MGST1: variants seen among roughly 807,000 people sequenced by gnomAD.
The protein encoded by MGST1 is glutathione S-transferase 12.
A neutral mutation model predicts 8.9 loss-of-function variants in MGST1; 5 were observed. That is an observed-to-expected ratio of 0.56 (90% CI 0.29 to 1.19). MGST1 has a LOEUF of 1.19. MGST1 is among the 50% of genes most tolerant of loss of function. MGST1 has a pLI of 0.08. For synonymous variants in MGST1, 54 were observed against 67.8 expected, an observed-to-expected ratio of 0.80 and a Z score of 1.00; for missense variants, 182 against 187.4, an observed-to-expected ratio of 0.97 and a Z score of 0.17.
chr12:16,466,669 A>G (rs1030981547), intron 4 of MGST1, among the ~76,000 whole-genome samples: 14 of 152,256 alleles, frequency 9.2e-5, no homozygotes, highest in African/African-American at 3.1e-4. Flanking sequence ...GAGAAACTAC[A>G]GAAACCTACA....
Position 16,399,390 on chromosome 12 carries a change from C to T in MGST1, n.778+15786C>T, listed in dbSNP as rs1186199426. 126 of 1,516,562 alleles carry T rather than the reference C, an allele frequency of 8.3e-5. 1 individual carries two copies. Among genetic ancestry groups the T allele is most frequent in the Non-Finnish European group, 7.3e-5 (80 of 1,092,068 alleles). The allele number at this position is 1,516,562 out of a possible 1,614,324, so 93.9% of individuals were successfully genotyped here. A position where few individuals can be genotyped will look rare whatever the true frequency, so the allele number is the denominator to read the frequency against. ...TGCCTTCCTCTTCTGGCTCATACTTCGACTTTGTTCTTCTTCTTCCTTATA... is the reference window on the plus strand; with the variant it reads ...TGCCTTCCTCTTCTGGCTCATACTTTGACTTTGTTCTTCTTCTTCCTTATA... On this transcript the variant is annotated intron_variant and non_coding_transcript_variant, in intron 1 of 1. Coordinates refer to the MGST1 transcript ENST00000359720.
chr12:16,538,715 TCTC>T (rs1225556228), intron 4 of MGST1, among the ~76,000 whole-genome samples: 1 of 151,604 alleles, frequency 6.6e-6, no homozygotes, highest in African/African-American at 2.4e-5. Context: ...TTCACGCCAT[TCTC>T]CTGCCTCAGC....
At chr12:16,423,006 C>A (rs759188527) in intron 1 of MGST1, among the ~76,000 whole-genome samples, 1 of 152,148 alleles carries the variant, frequency 6.6e-6, no homozygotes, top group African/African-American at 2.4e-5. Flanking sequence ...ACCCTGTGAA[C>A]TCTAGCAGCC....
intron 1 of MGST1, among the ~76,000 whole-genome samples, chr12:16,415,482 C>T (rs1219618369): frequency 1.3e-5 from 2 of 152,188 alleles, no homozygotes; most frequent in Non-Finnish European, 2.9e-5. Flanking sequence ...TCCTCTACTT[C>T]CTCCTCTTCC....
intron 4 of MGST1, among the ~76,000 whole-genome samples, chr12:16,570,422 T>C (rs1401749708): frequency 6.6e-6 from 1 of 152,022 alleles, no homozygotes; most frequent in Non-Finnish European, 1.5e-5. Flanking sequence ...ACTCATCTCG[T>C]AATTAAGGCA....
rs369680144 is a variant in MGST1 at position 16,513,212 on chromosome 12, T to A, written n.483-76316T>A. Among the ~76,000 whole-genome samples, 25 of 152,346 alleles carry A rather than the reference T, an allele frequency of 1.6e-4. No homozygotes were observed. The South Asian group carries it at 4.8e-3, about 29-fold the overall frequency. On this transcript the variant is annotated intron_variant and non_coding_transcript_variant, in intron 4 of 4. Coordinates refer to the MGST1 transcript ENST00000538857. This position sits in a 1 kb window ranked among gnomAD's most constrained non-coding sequence, Gnocchi z 4.2. ...TTCATCTGACTCAGTTTCTGCTTCT[T>A]CATGACTTCAGCTTTTCATGAACTC...
In MGST1 at chr12:16,497,213, C is replaced by G. The variant is rs1318434862; in HGVS notation, n.483-92315C>G. ...TCAAGGGCTAGTCTTGAAATCAGAT[C>G]CCACTGTTCACACGCTTTTCCTTTG... On this transcript the variant is annotated intron_variant and non_coding_transcript_variant, in intron 4 of 4. Transcript: ENST00000538857. The surrounding 1 kb of genome is among the most constrained non-coding windows in gnomAD (Gnocchi z 4.4). Among the ~76,000 whole-genome samples the G allele has an allele frequency of 6.6e-6, 1 of 152,098 alleles. No homozygotes were observed. Among genetic ancestry groups the G allele is most frequent in the Non-Finnish European group, 1.5e-5 (1 of 68,002 alleles).
chr12:16,437,878 A>AC (rs1555103268), exon 2 of MGST1: 5 of 150,092 alleles, frequency 3.3e-5, no homozygotes, highest in South Asian at 2.1e-4. Context: ...GTAGAAAAAA[A>AC]CCCCTCTGAA....
intron 1 of MGST1, among the ~76,000 whole-genome samples, chr12:16,403,368 G>C (rs1465784227): frequency 6.6e-6 from 1 of 151,910 alleles, no homozygotes; most frequent in Non-Finnish European, 1.5e-5. Flanking sequence ...GACATGCCAT[G>C]TATGATTTCA....
chr12:16,452,969 C>A (rs1427222432), intron 4 of MGST1, among the ~76,000 whole-genome samples: 1 of 151,786 alleles, frequency 6.6e-6, no homozygotes, highest in Non-Finnish European at 1.5e-5. Flanking sequence ...CAGGCATTGG[C>A]CAACATATAT....
chr12:16,510,284 G>A (rs2137178199), intron 4 of MGST1, among the ~76,000 whole-genome samples: 1 of 152,088 alleles, frequency 6.6e-6, no homozygotes, highest in East Asian at 1.9e-4. Flanking sequence ...AAGGAAGAAG[G>A]GAAAGAGAGA....
chr12:16,562,238 TGATCTGCTTAGGA>T (rs760379451), intron 4 of MGST1, among the ~76,000 whole-genome samples: 5 of 152,344 alleles, frequency 3.3e-5, no homozygotes, highest in East Asian at 1.9e-4. Flanking sequence ...GTACTTAACA[TGATCTGCTTAGGA>T]GATCTGCTTA....
At chr12:16,551,143 T>G in intron 4 of MGST1, 1 of 927,446 alleles carries the variant, frequency 1.1e-6, no homozygotes, top group Admixed American at 1.8e-5. Context: ...GGTTCCTGTG[T>G]CAATTCTTAT....
chr12:16,525,339 T>C (rs1388575923), intron 4 of MGST1, among the ~76,000 whole-genome samples: 9 of 140,414 alleles, frequency 6.4e-5, no homozygotes, highest in Non-Finnish European at 1.2e-4. Flanking sequence ...TTCCCCTTCC[T>C]GTGCCCATGT....
intron 4 of MGST1, among the ~76,000 whole-genome samples, chr12:16,524,237 C>A (rs1326735893): frequency 6.6e-6 from 1 of 151,908 alleles, no homozygotes; most frequent in African/African-American, 2.4e-5. Context: ...TAAAAAATTA[C>A]CAATTAATAT....
intron 4 of MGST1, among the ~76,000 whole-genome samples, chr12:16,444,104 A>G (rs1941059866): frequency 6.6e-6 from 1 of 150,426 alleles, no homozygotes; most frequent in South Asian, 2.1e-4. Context: ...AATATCTGCC[A>G]CTCTGATCAA....
chr12:16,426,986 A>AT (rs1481090547), intron 1 of MGST1, among the ~76,000 whole-genome samples: 1 of 151,714 alleles, frequency 6.6e-6, no homozygotes, highest in Non-Finnish European at 1.5e-5. Context: ...AAAAAAAAAA[A>AT]AGCTGAACAA....
At chr12:16,509,564 C>T (rs535242515) in intron 4 of MGST1, among the ~76,000 whole-genome samples, 10 of 152,150 alleles carry the variant, frequency 6.6e-5, no homozygotes, top group East Asian at 3.9e-4. Context: ...ACTGGGTGGA[C>T]GCCAATTGAC....
chr12:16,540,233 T>A (rs926014258), intron 4 of MGST1, among the ~76,000 whole-genome samples: 7 of 152,192 alleles, frequency 4.6e-5, no homozygotes, highest in African/African-American at 1.7e-4. Flanking sequence ...TTCTCCACCC[T>A]TTTCTTTCCA....
Sources: gnomAD v4.1 joint callset for allele counts (sites outside exome capture counted in the v4.1 genomes callset) on GRCh38, gnomAD v4.1.1 for gene constraint, Gnocchi (gnomAD v3.1) non-coding constraint, MANE v1.5 for transcripts, NCBI Gene and HGNC (gene_info 2026-07-23, HGNC 2026-07-21) for gene names.